Variants in GABRB1 observed in about 807,000 individuals in gnomAD.
GABRB1 encodes gamma-aminobutyric acid receptor subunit beta-1.
GABRB1 carries 17 observed loss-of-function variants against 51.6 expected under a neutral mutation model. The observed-to-expected ratio is 0.33, with a 90% CI of 0.23 to 0.49. The LOEUF (loss-of-function observed/expected upper bound fraction) is 0.49, where lower values mean the gene tolerates loss of function less well. Among genes scored for constraint, GABRB1 ranks in the 20% least tolerant of loss-of-function variants. GABRB1 has a pLI of 0.99. For synonymous variants in GABRB1, 247 were observed against 218.9 expected, an observed-to-expected ratio of 1.13 and a Z score of -1.14; for missense variants, 410 against 600.6, an observed-to-expected ratio of 0.68 and a Z score of 3.32.
At chr4:47,401,266 T>A (rs989299201) in intron 5 of GABRB1, among the ~76,000 whole-genome samples, 2 of 152,230 alleles carry the variant, frequency 1.3e-5, no homozygotes, top group Non-Finnish European at 2.9e-5. Context: ...CAATAGATGT[T>A]GTGAAATGGA....
intron 4 of GABRB1, among the ~76,000 whole-genome samples, chr4:47,215,489 C>T (rs1017046070): frequency 6.6e-6 from 1 of 151,724 alleles, no homozygotes; most frequent in African/African-American, 2.4e-5. Context: ...AACAACCAGA[C>T]CAAAAGACTA....
intron 1 of GABRB1, among the ~76,000 whole-genome samples, chr4:46,995,256 C>T (rs1723951904): frequency 6.6e-6 from 1 of 152,210 alleles, no homozygotes; most frequent in Non-Finnish European, 1.5e-5. Context: ...CAAGCTCTCT[C>T]GTTTGGGAAA....
chr4:47,056,109 T>A (rs1306467799), intron 3 of GABRB1, among the ~76,000 whole-genome samples: 1 of 152,202 alleles, frequency 6.6e-6, no homozygotes, highest in Non-Finnish European at 1.5e-5. Flanking sequence ...TGACTCAGGC[T>A]GGGAAAAAAT....
intron 3 of GABRB1, among the ~76,000 whole-genome samples, chr4:47,034,348 A>G (rs1445721283): frequency 2.0e-5 from 3 of 152,168 alleles, no homozygotes; most frequent in Non-Finnish European, 4.4e-5. Context: ...TAGTTGTTCA[A>G]CTGAATTCAT....
intron 1 of GABRB1, among the ~76,000 whole-genome samples, chr4:47,009,769 C>T (rs951909388): frequency 6.6e-6 from 1 of 152,070 alleles, no homozygotes; most frequent in Non-Finnish European, 1.5e-5. Flanking sequence ...GAGAAGTGTG[C>T]CAAAAACATT....
intron 1 of GABRB1, among the ~76,000 whole-genome samples, chr4:47,025,378 C>T (rs750143016): frequency 9.2e-5 from 14 of 151,884 alleles, no homozygotes; most frequent in Non-Finnish European, 1.6e-4. Context: ...TAGAAGTGTT[C>T]CCTTTTCTGC....
intron 8 of GABRB1, among the ~76,000 whole-genome samples, chr4:47,421,097 G>T (rs957926635): frequency 1.3e-5 from 2 of 152,106 alleles, no homozygotes; most frequent in South Asian, 4.1e-4. Context: ...ACATGGTAAT[G>T]TTGACATAAC....
At position 47,069,262 on chromosome 4, in the gene GABRB1, G is replaced by T. The variant is rs762729792; in HGVS notation, c.240+36778G>T. Among the ~76,000 whole-genome samples, 34 of 152,108 alleles carry T rather than the reference G, an allele frequency of 2.2e-4. 1 individual carries two copies. Among genetic ancestry groups the T allele is most frequent in the Non-Finnish European group, 1.0e-4 (7 of 68,012 alleles). ...CTTCCCTGAGTCACTACAGATAACT[G>T]ATTATATATTTTGAAATATTCCTCA... On this transcript the variant is annotated intron_variant, in intron 3 of 8. Transcript: ENST00000295454.
intron 4 of GABRB1, among the ~76,000 whole-genome samples, chr4:47,178,578 G>T (rs1481129261): frequency 2.0e-5 from 3 of 152,012 alleles, no homozygotes; most frequent in African/African-American, 7.2e-5. Flanking sequence ...TATGTACTTT[G>T]GTCTTTTGTG....
At chr4:47,259,107 A>C (rs1199883004) in intron 4 of GABRB1, among the ~76,000 whole-genome samples, 3 of 152,110 alleles carry the variant, frequency 2.0e-5, no homozygotes, top group African/African-American at 4.8e-5. Flanking sequence ...CCACAGCCAA[A>C]TTGATCATGC....
chr4:47,255,119 C>A (rs1406295849), intron 4 of GABRB1, among the ~76,000 whole-genome samples: 1 of 152,146 alleles, frequency 6.6e-6, no homozygotes, highest in Non-Finnish European at 1.5e-5. Context: ...AGTACCTGAT[C>A]TTTGAGGTGA....
intron 4 of GABRB1, among the ~76,000 whole-genome samples, chr4:47,226,794 A>G (rs1720957240): frequency 6.6e-6 from 1 of 152,178 alleles, no homozygotes; most frequent in South Asian, 2.1e-4. Flanking sequence ...AATTTGGTGA[A>G]AATTGTAGCT....
chr4:47,424,107 G>A (rs1339194528), intron 8 of GABRB1, among the ~76,000 whole-genome samples: 1 of 152,176 alleles, frequency 6.6e-6, no homozygotes, highest in Non-Finnish European at 1.5e-5. Flanking sequence ...ACCAGAGTCA[G>A]TCGCCATTTC....
intron 3 of GABRB1, among the ~76,000 whole-genome samples, chr4:47,054,119 TAAG>T (rs1278494608): frequency 6.7e-6 from 1 of 150,348 alleles, no homozygotes; most frequent in Admixed American, 6.6e-5. Context: ...TTCCATATTT[TAAG>T]AAGATGTAAG....
intron 3 of GABRB1, among the ~76,000 whole-genome samples, chr4:47,081,870 G>A (rs1727862326): frequency 6.6e-6 from 1 of 152,000 alleles, no homozygotes; most frequent in Non-Finnish European, 1.5e-5. Flanking sequence ...GCTTTTCTTG[G>A]TATTCTATCA....
chr4:47,354,991 T>TTTTTG lies in GABRB1; in HGVS notation c.544+34786_544+34787insGTTTT, dbSNP rs1560348613. Among the ~76,000 whole-genome samples, 26 of 135,538 alleles carry TTTTTG rather than the reference T, an allele frequency of 1.9e-4. 1 individual carries two copies. The highest frequency in any genetic ancestry group is 5.6e-4 in the African/African-American group (20 of 35,600). The allele number at this position is 135,538 out of a possible 152,430, so 88.9% of individuals were successfully genotyped here. ...TTCTTTCTTCCTTTGTTTTTTTTTT[T>TTTTTG]TTTTTTTTTTTTTTGACAGAATCTC... On this transcript the variant is annotated intron_variant, in intron 5 of 8. Transcript: ENST00000295454.
chr4:47,271,906 A>T (rs1346002661), intron 4 of GABRB1, among the ~76,000 whole-genome samples: 1 of 152,112 alleles, frequency 6.6e-6, no homozygotes, highest in East Asian at 1.9e-4. Context: ...CTTTTTGTTG[A>T]TCTAGGTTCT....
intron 4 of GABRB1, among the ~76,000 whole-genome samples, chr4:47,314,387 T>G (rs1724810339): frequency 6.6e-6 from 1 of 152,078 alleles, no homozygotes; most frequent in Admixed American, 6.6e-5. Flanking sequence ...CTATGTAAAC[T>G]ACTTTGTAAA....
rs903046401 is a variant in GABRB1, at chr4:47,180,270, G to A, written c.461+18801G>A. On this transcript the variant is annotated intron_variant, in intron 4 of 8. Coordinates refer to ENST00000295454, the MANE Select transcript of GABRB1 (RefSeq NM_000812.4). ...ATCTATTCCAAAGTAAATTTCTACA[G>A]TGCACACTCTGTTTCCCATTGACTT... Among the ~76,000 whole-genome samples, 16 of 152,092 alleles carry A rather than the reference G, an allele frequency of 1.1e-4. 1 individual carries two copies. The highest frequency in any genetic ancestry group is 7.2e-4 in the Admixed American group (11 of 15,252).
Sources: gnomAD v4.1 joint callset for allele counts (sites outside exome capture counted in the v4.1 genomes callset) on GRCh38, gnomAD v4.1.1 for gene constraint, MANE v1.5 for transcripts, NCBI Gene and HGNC (gene_info 2026-07-23, HGNC 2026-07-21) for gene names.